The following WDR7 variants were observed in gnomAD, a reference collection of about 807,000 sequenced individuals.
WDR7 encodes WD repeat domain 7, also known as WD repeat-containing protein 7.
Under a neutral mutation model 169.4 loss-of-function variants are expected in WDR7, and 46 were observed. The ratio of observed to expected loss-of-function variants is 0.27; its 90% CI spans 0.21 to 0.35. The LOEUF (loss-of-function observed/expected upper bound fraction) is 0.35, where lower values mean the gene tolerates loss of function less well. Among genes scored for constraint, WDR7 ranks in the 10% least tolerant of loss-of-function variants. WDR7 has a pLI of 1.00. For missense variants in WDR7, 1,534 were observed against 1,859.3 expected (o/e 0.83, Z 3.22); for synonymous variants, 612 against 666.8 (o/e 0.92, Z 1.27).
intron 26 of WDR7, among the ~76,000 whole-genome samples, chr18:56,980,889 C>A (rs898283143): frequency 6.6e-6 from 1 of 152,160 alleles, no homozygotes; most frequent in African/African-American, 2.4e-5. Context: ...CCTCGCCAGT[C>A]AGGATGAGGA....
intron 26 of WDR7, among the ~76,000 whole-genome samples, chr18:57,007,132 A>C (rs2048071939): frequency 6.6e-6 from 1 of 152,020 alleles, no homozygotes; most frequent in Admixed American, 6.6e-5. Context: ...GGCGCCCGCC[A>C]CAACACCCAG....
At chr18:56,698,659 C>T (rs2025758603) in intron 12 of WDR7, among the ~76,000 whole-genome samples, 1 of 151,286 alleles carries the variant, frequency 6.6e-6, no homozygotes, top group Non-Finnish European at 1.5e-5. Flanking sequence ...ATGTTTTTGA[C>T]TATTTGTATT....
intron 27 of WDR7, among the ~76,000 whole-genome samples, chr18:57,022,234 C>A (rs1189856350): frequency 2.0e-5 from 3 of 152,116 alleles, no homozygotes; most frequent in Non-Finnish European, 4.4e-5. Context: ...TTTTTGGGGT[C>A]CCCCCCGCCG....
rs144176055 is a variant in WDR7 at position 56,985,421 on chromosome 18, A to T, written c.4164+22892A>T. Among the ~76,000 whole-genome samples, 5 of 152,306 alleles carry T rather than the reference A, an allele frequency of 3.3e-5. No homozygotes were observed. In the East Asian group the frequency reaches 9.6e-4, roughly 29 times the overall value. ...AATATATCACAAGGATTATGCTATGATTTGTTACTGTGGTATATATTTGTT... is the reference window on the plus strand; with the variant it reads ...AATATATCACAAGGATTATGCTATGTTTTGTTACTGTGGTATATATTTGTT... On this transcript the variant is annotated intron_variant, in intron 26 of 27. Transcript: ENST00000254442.
intron 26 of WDR7, among the ~76,000 whole-genome samples, chr18:57,010,877 C>A (rs1054960962): frequency 1.3e-5 from 2 of 151,980 alleles, no homozygotes; most frequent in Admixed American, 6.6e-5. Context: ...CCAGTTAAAT[C>A]GAAGGGAAAA....
intron 19 of WDR7, among the ~76,000 whole-genome samples, chr18:56,793,450 T>C (rs2044527253): frequency 1.3e-5 from 2 of 152,238 alleles, no homozygotes; most frequent in African/African-American, 4.8e-5. Context: ...TTTCAAGGCA[T>C]AGTAAGCACA....
chr18:56,884,176 T>C (rs760582908), intron 21 of WDR7, among the ~76,000 whole-genome samples: 7 of 152,222 alleles, frequency 4.6e-5, no homozygotes, highest in Non-Finnish European at 8.8e-5. Context: ...ACAACATCTA[T>C]TATTTTTTGA....
Position 56,799,422 on chromosome 18 carries a change from T to G in WDR7, c.3191-16609T>G, listed in dbSNP as rs146136454. The stretch of plus-strand genomic sequence containing the variant: ...GTGGCTTTTATATCAAATATTTTGG[T>G]TTTTTTTATTCATCAGAACTATGAC... On this transcript the variant is annotated intron_variant, in intron 19 of 27. Coordinates refer to ENST00000254442, the MANE Select transcript of WDR7 (RefSeq NM_015285.3). 8.2e-5 allele frequency among the ~76,000 whole-genome samples: 11 copies of G among 133,752 alleles called. No homozygotes were observed. The East Asian group carries it at 9.7e-4, about 12-fold the overall frequency. 87.7% of individuals were successfully genotyped at this position (133,752 alleles called of 152,430 possible).
intron 13 of WDR7, among the ~76,000 whole-genome samples, chr18:56,721,937 C>T (rs80140379): frequency 0.037 from 5,624 of 152,210 alleles, 304 homozygotes; most frequent in African/African-American, 0.12. Flanking sequence ...TGACAAATAT[C>T]ATCAGAAATT....
intron 26 of WDR7, among the ~76,000 whole-genome samples, chr18:57,014,666 A>AG (rs1408173054): frequency 6.6e-6 from 1 of 151,900 alleles, no homozygotes; most frequent in African/African-American, 2.4e-5. Flanking sequence ...TCAAAAGAAA[A>AG]AAAAAAGGAA....
chr18:57,032,881 T>C (rs1050611471), downstream of WDR7: 25 of 143,612 alleles, frequency 1.7e-4, no homozygotes, highest in African/African-American at 5.1e-4. Context: ...ACAATAAATA[T>C]AATGCATTTG....
chr18:56,745,465 T>A (rs760755650), intron 14 of WDR7, among the ~76,000 whole-genome samples: 2 of 152,154 alleles, frequency 1.3e-5, no homozygotes, highest in Non-Finnish European at 2.9e-5. Flanking sequence ...GTAGATGGTT[T>A]CGGGATGAAA....
chr18:56,977,543 T>A (rs1599212832), intron 26 of WDR7, among the ~76,000 whole-genome samples: 1 of 152,350 alleles, frequency 6.6e-6, no homozygotes, highest in East Asian at 1.9e-4. Flanking sequence ...TAGAGTGAGC[T>A]GTTAAGCAGC....
chr18:56,767,510 A>G (rs947160175), intron 16 of WDR7, among the ~76,000 whole-genome samples: 4 of 152,108 alleles, frequency 2.6e-5, no homozygotes, highest in African/African-American at 9.7e-5. Context: ...CTTGTCTCCC[A>G]TCTCTCAGTC....
chr18:56,802,935 A>T (rs1490553029), intron 19 of WDR7, among the ~76,000 whole-genome samples: 2 of 151,896 alleles, frequency 1.3e-5, no homozygotes, highest in African/African-American at 4.8e-5. Context: ...GAGGTGTTAC[A>T]GCTTTATCTT....
At position 56,962,568 on chromosome 18, in the gene WDR7, G is replaced by A. The variant is rs754110943; in HGVS notation, c.4164+39G>A. On this transcript the variant is annotated intron_variant, in intron 26 of 27. Transcript: ENST00000254442. Reference sequence around the variant, plus strand: ...TGTGACTTCCTCTCCATAAAGCGTGGAAGTTATTGAAAGGAGAGAGAGACT... The same window carrying A: ...TGTGACTTCCTCTCCATAAAGCGTGAAAGTTATTGAAAGGAGAGAGAGACT... 4 of 1,588,168 alleles carry A rather than the reference G, an allele frequency of 2.5e-6. No homozygotes were observed. The African/African-American group carries it at 5.4e-5, about 21-fold the overall frequency.
chr18:57,008,467 C>T (rs369511384), intron 26 of WDR7, among the ~76,000 whole-genome samples: 8 of 152,332 alleles, frequency 5.3e-5, no homozygotes, highest in South Asian at 4.1e-4. Flanking sequence ...CGTTTTCAAG[C>T]CTGCCTGTCT....
Position 56,694,636 on chromosome 18 carries a change from T to C in WDR7, c.984T>C (p.Pro328=). The C allele has an allele frequency of 1.2e-6, 2 of 1,610,154 alleles. No individual in the cohort carries two copies. The highest frequency in any genetic ancestry group is 1.7e-6 in the Non-Finnish European group (2 of 1,178,312). ...RKDKELLICP[P]VTRFFYGCRE... is the part of the protein sequence containing the mutation. ...TTTGGCAGTTGCTAATTTGTCCTCCTGTTACTCGGTTCTTCTATGGATGCA... is the reference window on the plus strand; with the variant it reads ...TTTGGCAGTTGCTAATTTGTCCTCCCGTTACTCGGTTCTTCTATGGATGCA... The change falls in exon 10 of 28, where the codon CCT becomes CCC. Residue 328 remains proline (P), a synonymous_variant. Coordinates refer to ENST00000254442, the MANE Select transcript of WDR7 (RefSeq NM_015285.3).
intron 23 of WDR7, among the ~76,000 whole-genome samples, chr18:56,936,548 C>G (rs189615190): frequency 9.0e-4 from 137 of 152,216 alleles, no homozygotes; most frequent in African/African-American, 3.2e-3. Flanking sequence ...AATGGGCAGA[C>G]TCAGTGTCCA....
Sources: gnomAD v4.1 joint callset for allele counts (sites outside exome capture counted in the v4.1 genomes callset) on GRCh38, gnomAD v4.1.1 for gene constraint, MANE v1.5 for transcripts, NCBI Gene and HGNC (gene_info 2026-07-23, HGNC 2026-07-21) for gene names.